The following CTTNBP2NL variants were observed in gnomAD, a reference collection of about 807,000 sequenced individuals.
CTTNBP2NL encodes CTTNBP2 N-terminal-like protein.
Under a neutral mutation model 32.5 loss-of-function variants are expected in CTTNBP2NL, and 16 were observed. That is an observed-to-expected ratio of 0.49 (90% CI 0.33 to 0.75). CTTNBP2NL has a LOEUF of 0.75. Ranked by LOEUF, CTTNBP2NL falls within the 30% of genes least tolerant of loss-of-function variation. The probability of loss-of-function intolerance (pLI) is 0.02; values close to 1 mark genes in which losing one functional copy is unlikely to be tolerated. For missense variants in CTTNBP2NL, 645 were observed against 756.0 expected (o/e 0.85, Z 1.72); for synonymous variants, 298 against 289.4 (o/e 1.03, Z -0.30).
chr1:112,456,269 G>A lies in CTTNBP2NL; in HGVS notation c.777G>A (p.Arg259=), dbSNP rs1241259608. The change falls in exon 6 of 6, where the codon CGG becomes CGA. Residue 259 remains arginine, a synonymous_variant. Coordinates refer to ENST00000271277, the MANE Select transcript of CTTNBP2NL (RefSeq NM_018704.3). ...LRAKLNREEN[R]TKTLKEEMES... ...CAAAACTGAACCGAGAAGAGAACCGGACCAAAACCCTGAAAGAAGAAATGG... is the reference window on the plus strand; with the variant it reads ...CAAAACTGAACCGAGAAGAGAACCGAACCAAAACCCTGAAAGAAGAAATGG... The A allele has an allele frequency of 1.2e-6, 2 of 1,614,062 alleles. No individual in the cohort carries two copies. Among genetic ancestry groups the A allele is most frequent in the Middle Eastern group, 1.6e-4 (1 of 6,062 alleles).
intron 2 of CTTNBP2NL, chr1:112,414,989 TCCA>T (rs1649012614): frequency 6.6e-6 from 1 of 151,910 alleles, no homozygotes; most frequent in Admixed American, 6.6e-5. Flanking sequence ...GGAGTTTGAG[TCCA>T]GTCTGGGCAA....
chr1:112,442,744 G>A (rs886576064), intron 3 of CTTNBP2NL, among the ~76,000 whole-genome samples: 6 of 151,720 alleles, frequency 4.0e-5, no homozygotes, highest in Non-Finnish European at 8.8e-5. Context: ...AGGCTGGAGT[G>A]CAGTGGAGCA....
At chr1:112,452,332 C>CTTT (rs1295754169) in intron 4 of CTTNBP2NL, among the ~76,000 whole-genome samples, 2 of 114,346 alleles carry the variant, frequency 1.7e-5, no homozygotes, top group African/African-American at 8.2e-5. Flanking sequence ...GCACCAGTCT[C>CTTT]TTCTTTTTTT....
At chr1:112,451,062 A>G (rs923137794) in intron 4 of CTTNBP2NL, among the ~76,000 whole-genome samples, 5 of 151,974 alleles carry the variant, frequency 3.3e-5, no homozygotes, top group African/African-American at 1.2e-4. Context: ...TACAATGAAA[A>G]ACAGTTTTCT....
intron 1 of CTTNBP2NL, among the ~76,000 whole-genome samples, chr1:112,398,169 A>C (rs1224550569): frequency 6.6e-6 from 1 of 152,256 alleles, no homozygotes; most frequent in Non-Finnish European, 1.5e-5. Flanking sequence ...GTAAGAGACT[A>C]AGCAAACCAA....
rs1304046709 is a variant in CTTNBP2NL, at chr1:112,459,477, A to G, written c.*2065A>G. 6.9e-6 allele frequency: 1 copy of G among 145,044 alleles called. No individual in the cohort carries two copies. Among genetic ancestry groups the G allele is most frequent in the Non-Finnish European group, 1.5e-5 (1 of 64,748 alleles). 9.0% of individuals were successfully genotyped at this position (145,044 alleles called of 1,614,324 possible). On this transcript the variant is annotated 3_prime_UTR_variant, in exon 6 of 6. Transcript: ENST00000271277. Reference sequence around the variant, plus strand: ...TTTTAATCTAATAAGAGTTGATAGTAAAAAGGCAGGTGATGGAAATCAGTG... The same window carrying G: ...TTTTAATCTAATAAGAGTTGATAGTGAAAAGGCAGGTGATGGAAATCAGTG...
At chr1:112,432,963 A>C (rs1649611881) in intron 3 of CTTNBP2NL, among the ~76,000 whole-genome samples, 2 of 152,152 alleles carry the variant, frequency 1.3e-5, no homozygotes, top group African/African-American at 4.8e-5. Context: ...CTAACTCAGC[A>C]TTCAACCGTG....
chr1:112,402,157 G>A (rs574942973), intron 1 of CTTNBP2NL, among the ~76,000 whole-genome samples: 5 of 152,220 alleles, frequency 3.3e-5, no homozygotes, highest in Middle Eastern at 3.4e-3. Context: ...GGTGACTCAC[G>A]CCTGTAATCC....
In CTTNBP2NL at chr1:112,454,974, C is replaced by T. The variant is rs942605884; in HGVS notation, c.438+418C>T. ...CAGTATATGTAGACATACACAGTTA[C>T]GCCTGAAACAAAAATCTCATGAAAT... On this transcript the variant is annotated intron_variant, in intron 5 of 5. Transcript: ENST00000271277. Among the ~76,000 whole-genome samples, 13 of 152,112 alleles carry T rather than the reference C, an allele frequency of 8.5e-5. 1 individual carries two copies. Among genetic ancestry groups the T allele is most frequent in the Non-Finnish European group, 1.5e-4 (10 of 68,032 alleles).
intron 3 of CTTNBP2NL, among the ~76,000 whole-genome samples, chr1:112,426,526 T>TAA (rs201149112): frequency 2.1e-5 from 3 of 145,276 alleles, no homozygotes; most frequent in African/African-American, 7.6e-5. Context: ...ACCCCATCTC[T>TAA]AAAAAAAAGA....
Position 112,437,236 on chromosome 1 carries a change from C to T in CTTNBP2NL, c.100-11706C>T, listed in dbSNP as rs115087645. On this transcript the variant is annotated intron_variant, in intron 3 of 5. Transcript: ENST00000271277. ...TTTCCACAATGGTTGAACCAGTTTA[C>T]ACTCCCACTAATAGTGTATAAGTGT... 9.7e-3 allele frequency among the ~76,000 whole-genome samples: 1,472 copies of T among 152,294 alleles called. 28 individuals carry two copies. The highest frequency in any genetic ancestry group is 0.034 in the African/African-American group (1,428 of 41,548).
intron 1 of CTTNBP2NL, among the ~76,000 whole-genome samples, chr1:112,404,270 CA>C (rs1370564137): frequency 2.0e-5 from 3 of 152,174 alleles, no homozygotes; most frequent in Non-Finnish European, 4.4e-5. Flanking sequence ...AACTGATACT[CA>C]ATTGTTAAAT....
At chr1:112,423,133 T>G (rs939592585) in intron 3 of CTTNBP2NL, among the ~76,000 whole-genome samples, 3 of 152,176 alleles carry the variant, frequency 2.0e-5, no homozygotes, top group Non-Finnish European at 4.4e-5. Flanking sequence ...GTTAAAATCT[T>G]TTGCCCATTT....
chr1:112,392,101 G>T (rs1648204214), upstream of CTTNBP2NL, among the ~76,000 whole-genome samples: 2 of 152,292 alleles, frequency 1.3e-5, no homozygotes, highest in African/African-American at 2.4e-5. Context: ...GAAAATATTT[G>T]TTGCATTCCC....
At chr1:112,420,791 T>G (rs2101006092) in intron 3 of CTTNBP2NL, among the ~76,000 whole-genome samples, 1 of 152,232 alleles carries the variant, frequency 6.6e-6, no homozygotes, top group East Asian at 1.9e-4. Context: ...TGAGTAAAGT[T>G]TATACATGGA....
rs765066141 is a variant in CTTNBP2NL at position 112,457,090 on chromosome 1, A to G, written c.1598A>G (p.Tyr533Cys). The G allele has an allele frequency of 9.9e-6, 16 of 1,614,168 alleles. No individual in the cohort carries two copies. The highest frequency in any genetic ancestry group is 1.6e-4 in the Middle Eastern group (1 of 6,062). Residue 533 changes from tyrosine to cysteine, a missense_variant, in exon 6 of 6, where the codon TAT becomes TGT. Tyr to Cys is a radical substitution (Grantham distance 194). Coordinates refer to ENST00000271277, the MANE Select transcript of CTTNBP2NL (RefSeq NM_018704.3). ...SPNSSPFGTD[Y>C]RNLANTANPR... ...AACAGCTCTCCCTTTGGCACAGACT[A>G]TCGAAATCTAGCCAACACTGCCAAT...
intron 1 of CTTNBP2NL, among the ~76,000 whole-genome samples, chr1:112,398,845 A>T (rs886915729): frequency 8.6e-5 from 13 of 151,934 alleles, no homozygotes; most frequent in African/African-American, 2.7e-4. Flanking sequence ...AAGTTAAAAA[A>T]ATATATATGT....
chr1:112,449,753 T>TGTGTGTGTGTGTGTGTG (rs58369949), intron 4 of CTTNBP2NL, among the ~76,000 whole-genome samples: 1,697 of 25,382 alleles, frequency 0.067, 30 homozygotes, highest in African/African-American at 0.075. Context: ...TGTGTGTGTG[T>TGTGTGTGTGTGTGTGTG]TTTCCATATT....
At chr1:112,424,216 A>G (rs1321058265) in intron 3 of CTTNBP2NL, among the ~76,000 whole-genome samples, 1 of 152,170 alleles carries the variant, frequency 6.6e-6, no homozygotes, top group Non-Finnish European at 1.5e-5. Flanking sequence ...ATATAGTACA[A>G]TGCATGGATC....
Sources: allele counts gnomAD v4.1 joint callset (sites outside exome capture counted in the v4.1 genomes callset), GRCh38; gene constraint gnomAD v4.1.1; transcripts MANE v1.5; gene names NCBI Gene and HGNC (gene_info 2026-07-23, HGNC 2026-07-21).